ITGA2: variants seen among roughly 807,000 people sequenced by gnomAD.
The protein encoded by ITGA2 is integrin subunit alpha 2.
ITGA2 carries 101 observed loss-of-function variants against 146.3 expected under a neutral mutation model. The ratio of observed to expected loss-of-function variants is 0.69; its 90% confidence interval spans 0.59 to 0.81. The LOEUF is 0.81. Among genes scored for constraint, ITGA2 ranks in the 40% least tolerant of loss-of-function variants. ITGA2 has a pLI of 0.00. For missense variants in ITGA2, 1,281 were observed against 1,402.7 expected, an observed-to-expected ratio of 0.91 and a Z score of 1.39; for synonymous variants, 477 against 487.1, an observed-to-expected ratio of 0.98 and a Z score of 0.27.
At chr5:53,056,648 A>T (rs535009080) in intron 9 of ITGA2, among the ~76,000 whole-genome samples, 1 of 152,112 alleles carries the variant, frequency 6.6e-6, no homozygotes, top group South Asian at 2.1e-4. Context: ...ATATATTTTT[A>T]AAATTAGAAA....
chr5:53,030,286 G>C (rs1324288121), intron 2 of ITGA2, among the ~76,000 whole-genome samples: 1 of 152,198 alleles, frequency 6.6e-6, no homozygotes, highest in Non-Finnish European at 1.5e-5. Flanking sequence ...AGGGACACTG[G>C]ACATTTCTAA....
chr5:53,088,550 G>A (rs931030500), intron 28 of ITGA2, among the ~76,000 whole-genome samples: 3 of 152,110 alleles, frequency 2.0e-5, no homozygotes, highest in Admixed American at 1.3e-4. Context: ...GCTGGGTGTG[G>A]TGGTGCACGC....
chr5:53,053,180 A>G (rs902083497), intron 7 of ITGA2, among the ~76,000 whole-genome samples: 1 of 152,004 alleles, frequency 6.6e-6, no homozygotes, highest in African/African-American at 2.4e-5. Context: ...CTATTTCTGC[A>G]TTTCCCATTT....
rs1212703743 is a variant in ITGA2, at chr5:53,051,530, A to G, written c.750A>G (p.Thr250=). The change falls in exon 7 of 30, where the codon ACA becomes ACG. Residue 250 remains threonine, a synonymous_variant. Coordinates refer to ENST00000296585, the MANE Select transcript of ITGA2 (RefSeq NM_002203.4). ...CATCCCAATATGGTGGGGACCTCAC[A>G]AACACATTCGGAGCAATTCAATATG... ...SQTSQYGGDL[T]NTFGAIQYAR... 1 of 1,613,734 alleles carries G rather than the reference A, an allele frequency of 6.2e-7. No individual in the cohort carries two copies. The highest frequency in any genetic ancestry group is 8.5e-7 in the Non-Finnish European group (1 of 1,179,764).
At chr5:53,067,065 T>C in intron 15 of ITGA2, 53 bp from the exon 16 acceptor site, 1 of 1,575,348 alleles carries the variant, frequency 6.3e-7, no homozygotes, top group Non-Finnish European at 8.7e-7. Context: ...AAGGATATAA[T>C]ACGTGTGCTC....
chr5:53,045,574 G>T (rs1225282458), intron 4 of ITGA2, among the ~76,000 whole-genome samples: 1 of 152,094 alleles, frequency 6.6e-6, no homozygotes, highest in African/African-American at 2.4e-5. Flanking sequence ...TCACTAATCA[G>T]TGAAATAGAA....
intron 1 of ITGA2, among the ~76,000 whole-genome samples, chr5:53,004,894 GTTTT>G (rs548541753): frequency 1.3e-4 from 7 of 55,944 alleles, no homozygotes; most frequent in African/African-American, 2.8e-4. Flanking sequence ...TAGTTGCTTT[GTTTT>G]TTTTTTTTTT....
chr5:53,070,652 T>C (rs555595469), intron 17 of ITGA2, among the ~76,000 whole-genome samples: 224 of 152,060 alleles, frequency 1.5e-3, no homozygotes, highest in Admixed American at 5.5e-3. Flanking sequence ...TTGTGGTTTC[T>C]ACTATTAGAT....
chr5:53,090,298 T>C (rs554806502), intron 29 of ITGA2, among the ~76,000 whole-genome samples: 2 of 152,328 alleles, frequency 1.3e-5, no homozygotes, highest in South Asian at 2.1e-4. Flanking sequence ...TTCAAATAAG[T>C]AGACGCTGAA....
intron 23 of ITGA2, among the ~76,000 whole-genome samples, chr5:53,076,469 T>C (rs987031744): frequency 3.3e-5 from 5 of 151,988 alleles, no homozygotes; most frequent in African/African-American, 7.2e-5. Context: ...GAAACAAAAT[T>C]CCGTCCAAAT....
At chr5:53,076,693 A>T (rs1745679191) in intron 23 of ITGA2, among the ~76,000 whole-genome samples, 2 of 152,068 alleles carry the variant, frequency 1.3e-5, no homozygotes, top group Admixed American at 1.3e-4. Context: ...ATATTTTCCC[A>T]GATATTTAAG....
At chr5:53,057,907 A>G (rs1255399464) in intron 9 of ITGA2, 118 bp from the exon 10 acceptor site, 3 of 738,096 alleles carry the variant, frequency 4.1e-6, no homozygotes, top group Admixed American at 3.8e-5. Context: ...GAGTATTGGA[A>G]CAGTGTGTGT....
intron 23 of ITGA2, among the ~76,000 whole-genome samples, chr5:53,077,677 C>T (rs556618525): frequency 2.6e-5 from 4 of 152,052 alleles, no homozygotes; most frequent in Non-Finnish European, 5.9e-5. Context: ...GCTGACAAAT[C>T]ATTGTTTCCT....
At position 53,051,543 on chromosome 5, in the gene ITGA2, G is replaced by A; in HGVS notation, c.763G>A (p.Ala255Thr). The A allele has an allele frequency of 1.9e-6, 3 of 1,613,354 alleles. No homozygotes were observed. Among genetic ancestry groups the A allele is most frequent in the Non-Finnish European group, 2.5e-6 (3 of 1,179,576 alleles). ...TGGGGACCTCACAAACACATTCGGAGCAATTCAATATGCAAGGTAAGTTTT... is the reference window on the plus strand; with the variant it reads ...TGGGGACCTCACAAACACATTCGGAACAATTCAATATGCAAGGTAAGTTTT... ...YGGDLTNTFG[A>T]IQYARKYAYS... is the part of the protein sequence containing the mutation. The change falls in exon 7 of 30, where the codon GCA becomes ACA. Residue 255 changes from alanine (A) to threonine (T), a missense_variant. This residue lies in a region of ITGA2 where 795 missense variants were observed against 841.7 expected (regional missense o/e 0.94). Transcript: ENST00000296585.
chr5:52,997,583 T>C (rs1297816793), intron 1 of ITGA2, among the ~76,000 whole-genome samples: 1 of 152,234 alleles, frequency 6.6e-6, no homozygotes, highest in Non-Finnish European at 1.5e-5. Flanking sequence ...TTGGCAGTTG[T>C]CATTCTCCCG....
rs1482039519 is a variant in ITGA2 at position 53,094,432 on chromosome 5, T to A, written c.*3833T>A. ...TGAATGTATATATTGCATAACTATGTTAGAATTGTATATATTTTAAAGAAA... is the reference window on the plus strand; with the variant it reads ...TGAATGTATATATTGCATAACTATGATAGAATTGTATATATTTTAAAGAAA... On this transcript the variant is annotated 3_prime_UTR_variant, in exon 30 of 30. Coordinates refer to ENST00000296585, the MANE Select transcript of ITGA2 (RefSeq NM_002203.4). 1 of 152,220 alleles carries A rather than the reference T, an allele frequency of 6.6e-6. No individual in the cohort carries two copies. The highest frequency in any genetic ancestry group is 1.5e-5 in the Non-Finnish European group (1 of 68,014). The allele number at this position is 152,220 out of a possible 1,614,324, so 9.4% of individuals were successfully genotyped here.
At chr5:52,995,601 C>A (rs1741202027) in intron 1 of ITGA2, among the ~76,000 whole-genome samples, 2 of 152,062 alleles carry the variant, frequency 1.3e-5, no homozygotes, top group Admixed American at 6.6e-5. Flanking sequence ...TGAAGGAGAG[C>A]AAGTTGGAGG....
chr5:53,069,820 G>T (rs975851022), intron 16 of ITGA2, among the ~76,000 whole-genome samples: 1 of 151,772 alleles, frequency 6.6e-6, no homozygotes, highest in African/African-American at 2.4e-5. Flanking sequence ...ATTTGCCCAG[G>T]TTCATCACAG....
At chr5:53,004,420 AT>A (rs962012596) in intron 1 of ITGA2, among the ~76,000 whole-genome samples, 12 of 152,166 alleles carry the variant, frequency 7.9e-5, no homozygotes, top group Admixed American at 7.2e-4. Context: ...ATGGAATATT[AT>A]TTAAAAAAAA....
Sources: gnomAD v4.1 joint callset for allele counts (sites outside exome capture counted in the v4.1 genomes callset) on GRCh38, gnomAD v4.1.1 for gene constraint, gnomAD v4.1.1 regional missense constraint, MANE v1.5 for transcripts, NCBI Gene and HGNC (gene_info 2026-07-23, HGNC 2026-07-21) for gene names.